ADAMTS6: variants seen among roughly 807,000 people sequenced by gnomAD.
ADAMTS6 encodes the protein ADAM metallopeptidase with thrombospondin type 1 motif 6, also known as A disintegrin and metalloproteinase with thrombospondin motifs 6.
In ADAMTS6, 23 loss-of-function variants were observed where a neutral mutation model predicts 144.3. That is an observed-to-expected ratio of 0.16 (90% confidence interval 0.11 to 0.23). ADAMTS6 has a LOEUF of 0.23. Among genes scored for constraint, ADAMTS6 ranks in the 10% least tolerant of loss-of-function variants. The pLI, the probability that ADAMTS6 is intolerant of heterozygous loss-of-function variation, is 1.00. For synonymous variants in ADAMTS6, 444 were observed against 457.5 expected (o/e 0.97, Z 0.38); for missense variants, 999 against 1,379.6 (o/e 0.72, Z 4.37).
intron 10 of ADAMTS6, chr5:65,297,356 T>C (rs1024278565): frequency 1.5e-5 from 6 of 406,188 alleles, no homozygotes; most frequent in African/African-American, 2.1e-5. Flanking sequence ...GGAATAGTTT[T>C]CAGTTGAACA....
At chr5:65,440,924 C>T (rs1757815928) in intron 7 of ADAMTS6, among the ~76,000 whole-genome samples, 1 of 152,110 alleles carries the variant, frequency 6.6e-6, no homozygotes, top group Non-Finnish European at 1.5e-5. Context: ...AGAATAATTA[C>T]AGAAACACAA....
chr5:65,151,282 C>T lies in ADAMTS6; in HGVS notation c.*554G>A, dbSNP rs891285724. Reference sequence around the variant, plus strand: ...AGAAAAATAATACAAACTTTCATTACTTTTGATTTATAATTGCTCCTTAAA... The same window carrying T: ...AGAAAAATAATACAAACTTTCATTATTTTTGATTTATAATTGCTCCTTAAA... On this transcript the variant is annotated 3_prime_UTR_variant, in exon 25 of 25. Transcript: ENST00000381055. 6.6e-6 allele frequency: 1 copy of T among 152,642 alleles called. No individual in the cohort carries two copies. The highest frequency in any genetic ancestry group is 1.9e-4 in the East Asian group (1 of 5,202). The allele number at this position is 152,642 out of a possible 1,614,324, so 9.5% of individuals were successfully genotyped here.
chr5:65,191,809 T>C (rs1755031886), intron 21 of ADAMTS6, among the ~76,000 whole-genome samples: 1 of 152,078 alleles, frequency 6.6e-6, no homozygotes, highest in African/African-American at 2.4e-5. Flanking sequence ...TTTTTAAAAA[T>C]CAACATAATA....
intron 11 of ADAMTS6, among the ~76,000 whole-genome samples, chr5:65,282,161 T>A (rs1763036801): frequency 1.3e-5 from 2 of 152,090 alleles, no homozygotes; most frequent in Non-Finnish European, 2.9e-5. Flanking sequence ...CAAATATGAG[T>A]CATCAATGGC....
At chr5:65,241,269 C>T (rs539171966) in intron 15 of ADAMTS6, among the ~76,000 whole-genome samples, 3 of 128,622 alleles carry the variant, frequency 2.3e-5, no homozygotes, top group Admixed American at 9.7e-5. Flanking sequence ...CTCACTCTGT[C>T]GCCTAGGTTG....
chr5:65,353,571 C>T (rs1299841408), intron 7 of ADAMTS6, among the ~76,000 whole-genome samples: 1 of 151,970 alleles, frequency 6.6e-6, no homozygotes, highest in East Asian at 1.9e-4. Flanking sequence ...AATAAAATTA[C>T]TGTGATATTT....
intron 7 of ADAMTS6, among the ~76,000 whole-genome samples, chr5:65,408,679 A>G (rs1224166842): frequency 2.0e-5 from 3 of 152,214 alleles, no homozygotes; most frequent in Non-Finnish European, 4.4e-5. Context: ...TCTCCACCCC[A>G]AATCAACAGA....
In ADAMTS6 at chr5:65,242,776, G is replaced by A. The variant is rs145513944; in HGVS notation, c.1831-570C>T. On this transcript the variant is annotated intron_variant, in intron 14 of 24. Transcript: ENST00000381055. ...AAACATCTTGAAATTAAAGGGATTT[G>A]GACTTATTATGATTTACATTTAATT... Among the ~76,000 whole-genome samples, 797 of 152,012 alleles carry A rather than the reference G, an allele frequency of 5.2e-3. 4 individuals are homozygous for A. The highest frequency in any genetic ancestry group is 7.1e-3 in the Non-Finnish European group (480 of 67,940).
chr5:65,193,813 T>G (rs1010349451), intron 21 of ADAMTS6, among the ~76,000 whole-genome samples: 1 of 152,122 alleles, frequency 6.6e-6, no homozygotes, highest in African/African-American at 2.4e-5. Context: ...AAATAAAAAG[T>G]ACAGCCAAAA....
intron 7 of ADAMTS6, among the ~76,000 whole-genome samples, chr5:65,337,935 T>C (rs991384039): frequency 3.3e-5 from 5 of 152,094 alleles, no homozygotes; most frequent in Non-Finnish European, 5.9e-5. Context: ...AAAGAAGAGA[T>C]TGAGGAAAAG....
At chr5:65,183,532 G>A (rs1754483555) in intron 22 of ADAMTS6, among the ~76,000 whole-genome samples, 1 of 152,078 alleles carries the variant, frequency 6.6e-6, no homozygotes, top group South Asian at 2.1e-4. Context: ...ACTATCTGCA[G>A]TTTCAGGTAT....
chr5:65,332,419 G>C (rs946679560), intron 8 of ADAMTS6, among the ~76,000 whole-genome samples: 3 of 150,192 alleles, frequency 2.0e-5, no homozygotes, highest in Non-Finnish European at 4.4e-5. Context: ...ACTAGCTCTG[G>C]CTAATATGTG....
chr5:65,318,700 T>C (rs781530297), intron 9 of ADAMTS6, among the ~76,000 whole-genome samples: 62 of 151,304 alleles, frequency 4.1e-4, no homozygotes, highest in Non-Finnish European at 6.9e-4. Flanking sequence ...CTTATGGACA[T>C]AGAGAGTAGA....
intron 10 of ADAMTS6, among the ~76,000 whole-genome samples, chr5:65,296,018 A>G (rs1361287387): frequency 6.6e-6 from 1 of 152,120 alleles, no homozygotes; most frequent in Non-Finnish European, 1.5e-5. Context: ...ACACATTAGG[A>G]TATACTCTTA....
At position 65,347,186 on chromosome 5, in the gene ADAMTS6, G is replaced by GA. The variant is rs1307387730; in HGVS notation, c.1074-13102dup. Among the ~76,000 whole-genome samples the GA allele has an allele frequency of 8.1e-3, 1,198 of 148,742 alleles. 12 individuals are homozygous for GA. The highest frequency in any genetic ancestry group is 0.028 in the African/African-American group (1,124 of 40,654). On this transcript the variant is annotated intron_variant, in intron 7 of 24. Coordinates refer to ENST00000381055, the MANE Select transcript of ADAMTS6 (RefSeq NM_197941.4). ...TCCAACGACATTTTTCACAGAAATA[G>GA]AAAAAAAAAATTCCTAAAATTCATA...
At chr5:65,417,757 T>C (rs1210718402) in intron 7 of ADAMTS6, among the ~76,000 whole-genome samples, 1 of 152,148 alleles carries the variant, frequency 6.6e-6, no homozygotes, top group East Asian at 1.9e-4. Flanking sequence ...TATTCCATAA[T>C]CATAAATTGG....
intron 7 of ADAMTS6, among the ~76,000 whole-genome samples, chr5:65,370,583 C>T (rs887411306): frequency 2.0e-5 from 3 of 152,208 alleles, no homozygotes; most frequent in African/African-American, 7.2e-5. Flanking sequence ...TAAAAAATGG[C>T]GCACCACGAG....
Position 65,150,364 on chromosome 5 carries a change from C to G in ADAMTS6, c.*1472G>C, listed in dbSNP as rs1000445919. The G allele has an allele frequency of 3.9e-5, 6 of 152,582 alleles. No homozygotes were observed. The highest frequency in any genetic ancestry group is 2.6e-4 in the Admixed American group (4 of 15,284). The allele number at this position is 152,582 out of a possible 1,614,324, so 9.5% of individuals were successfully genotyped here. A position where few individuals can be genotyped will look rare whatever the true frequency, so the allele number is the denominator to read the frequency against. ...AAAAAATATTAATATAAACAAGTAC[C>G]CTTTTTCATTCTAAGTCTTGCTGTC... On this transcript the variant is annotated 3_prime_UTR_variant, in exon 25 of 25. Coordinates refer to ENST00000381055, the MANE Select transcript of ADAMTS6 (RefSeq NM_197941.4).
chr5:65,451,169 T>C (rs1467393207), intron 7 of ADAMTS6: 2 of 210,726 alleles, frequency 9.5e-6, no homozygotes, highest in East Asian at 2.5e-4. Context: ...TTTTAGTATG[T>C]ATTTTGTTCG....
Sources: gnomAD v4.1 joint callset for allele counts (sites outside exome capture counted in the v4.1 genomes callset) on GRCh38, gnomAD v4.1.1 for gene constraint, MANE v1.5 for transcripts, NCBI Gene and HGNC (gene_info 2026-07-23, HGNC 2026-07-21) for gene names.